NDUFA5: variants seen among roughly 807,000 people sequenced by gnomAD.
NDUFA5 encodes the protein NADH:ubiquinone oxidoreductase subunit A5.
A neutral mutation model predicts 19.8 loss-of-function variants in NDUFA5; 11 were observed. The ratio of observed to expected loss-of-function variants is 0.56; its 90% confidence interval spans 0.35 to 0.92. NDUFA5 has a LOEUF of 0.92. Among genes scored for constraint, NDUFA5 ranks in the 40% least tolerant of loss-of-function variants. The pLI is 0.01. For missense variants in NDUFA5, 109 were observed against 134.2 expected (o/e 0.81, Z 0.93); for synonymous variants, 47 against 46.8 (o/e 1.00, Z -0.01).
At chr7:123,593,532 C>A in the NDUFA5 span, among the ~76,000 whole-genome samples, 12 of 152,126 alleles carry the variant, frequency 7.9e-5, no homozygotes, top group Non-Finnish European at 1.8e-4. Context: ...ACTTACAAAG[C>A]TTAGTTTGGC....
chr7:123,538,126 C>T lies in NDUFA5; in HGVS notation c.*3993G>A, dbSNP rs887780673. The stretch of plus-strand genomic sequence containing the variant: ...TTTTTTATTCCTATGTGTAATTTAC[C>T]ATGTTCCAATTCCCCACCACCACTA... On this transcript the variant is annotated 3_prime_UTR_variant, in exon 5 of 5. Coordinates refer to ENST00000355749, the MANE Select transcript of NDUFA5 (RefSeq NM_005000.5). 2.6e-5 allele frequency: 4 copies of T among 151,972 alleles called. No homozygotes were observed. Among genetic ancestry groups the T allele is most frequent in the African/African-American group, 9.7e-5 (4 of 41,380 alleles). 9.4% of individuals were successfully genotyped at this position (151,972 alleles called of 1,614,324 possible).
the NDUFA5 span, among the ~76,000 whole-genome samples, chr7:123,597,956 G>C: frequency 6.6e-6 from 1 of 151,322 alleles, no homozygotes; most frequent in African/African-American, 2.4e-5. Flanking sequence ...GTGTGTGTGT[G>C]TGTGTCTTTG....
intron 3 of NDUFA5, among the ~76,000 whole-genome samples, chr7:123,546,022 A>G (rs750053636): frequency 1.3e-5 from 2 of 152,120 alleles, no homozygotes; most frequent in Non-Finnish European, 2.9e-5. Context: ...ATGCTACTCT[A>G]TGACCCAGAA....
At chr7:123,550,441 A>T (rs199509342) in intron 3 of NDUFA5, 29 bp downstream of exon 3, 3 of 444,930 alleles carry the variant, frequency 6.7e-6, no homozygotes, top group East Asian at 4.9e-5. Flanking sequence ...AATGTTACAC[A>T]AGACAACAAA....
At chr7:123,559,546 C>CA (rs1335264402), upstream of NDUFA5, among the ~76,000 whole-genome samples, 3 of 151,968 alleles carry the variant, frequency 2.0e-5, no homozygotes, top group African/African-American at 7.3e-5. Context: ...TCCAACCAGA[C>CA]AAAGAAATCA....
At chr7:123,547,057 T>TGA (rs1016493690) in intron 3 of NDUFA5, among the ~76,000 whole-genome samples, 1 of 152,128 alleles carries the variant, frequency 6.6e-6, no homozygotes, top group African/African-American at 2.4e-5. Flanking sequence ...ATTGCAGTGA[T>TGA]GAGACCACAA....
chr7:123,566,757 GA>G, the NDUFA5 span, among the ~76,000 whole-genome samples: 2 of 152,256 alleles, frequency 1.3e-5, no homozygotes, highest in East Asian at 3.9e-4. Context: ...GCTCCTCTGT[GA>G]AGGGACCTAT....
At chr7:123,546,576 T>A in intron 3 of NDUFA5, 1 of 910,742 alleles carries the variant, frequency 1.1e-6, no homozygotes, top group Non-Finnish European at 1.5e-6. Context: ...TCTGTAAATA[T>A]ACCCACATAT....
chr7:123,600,088 G>A, the NDUFA5 span, among the ~76,000 whole-genome samples: 1 of 152,082 alleles, frequency 6.6e-6, no homozygotes, highest in African/African-American at 2.4e-5. Flanking sequence ...ACTACTTGAG[G>A]AATAGGCCTC....
the NDUFA5 span, among the ~76,000 whole-genome samples, chr7:123,590,710 T>C: frequency 5.9e-5 from 9 of 152,208 alleles, no homozygotes; most frequent in Non-Finnish European, 1.3e-4. Flanking sequence ...AGCCTCATAG[T>C]ATAGTTCGAT....
upstream of NDUFA5, among the ~76,000 whole-genome samples, chr7:123,560,661 C>T (rs974380216): frequency 6.6e-6 from 1 of 152,150 alleles, no homozygotes; most frequent in African/African-American, 2.4e-5. Flanking sequence ...ACTGGTTACC[C>T]TCTCATGGTA....
At chr7:123,570,927 GC>G in the NDUFA5 span, among the ~76,000 whole-genome samples, 1 of 152,096 alleles carries the variant, frequency 6.6e-6, no homozygotes, top group Non-Finnish European at 1.5e-5. Context: ...CAGCTGTACG[GC>G]CTGGGTGAGT....
At chr7:123,565,672 C>T in the NDUFA5 span, among the ~76,000 whole-genome samples, 5 of 151,590 alleles carry the variant, frequency 3.3e-5, no homozygotes, top group South Asian at 8.4e-4. Context: ...CTTGAGGTCA[C>T]GAGTTCAAGA....
chr7:123,591,095 CTGTT>C, the NDUFA5 span, among the ~76,000 whole-genome samples: 129 of 152,220 alleles, frequency 8.5e-4, no homozygotes, highest in African/African-American at 2.8e-3. Flanking sequence ...ATTTGGCTCT[CTGTT>C]TGTCTGTTCT....
chr7:123,543,153 G>A (rs368140343), intron 4 of NDUFA5, among the ~76,000 whole-genome samples: 200 of 152,262 alleles, frequency 1.3e-3, no homozygotes, highest in African/African-American at 4.7e-3. Context: ...ATGGAAATCA[G>A]GGGTAGAGGT....
intron 2 of NDUFA5, chr7:123,551,586 T>C (rs1052973640): frequency 7.9e-5 from 58 of 734,556 alleles, no homozygotes; most frequent in Non-Finnish European, 8.8e-5. Context: ...TCTGTAGAAA[T>C]AAACACATAT....
chr7:123,584,072 C>G, the NDUFA5 span, among the ~76,000 whole-genome samples: 1 of 151,914 alleles, frequency 6.6e-6, no homozygotes, highest in African/African-American at 2.4e-5. Flanking sequence ...GTGAGCTCTT[C>G]TAGCCACACG....
the NDUFA5 span, among the ~76,000 whole-genome samples, chr7:123,581,808 T>G: frequency 3.9e-5 from 6 of 152,108 alleles, no homozygotes; most frequent in East Asian, 1.2e-3. Context: ...TTTCTCCCTT[T>G]TTGTCACTCC....
chr7:123,570,289 G>GC, the NDUFA5 span, among the ~76,000 whole-genome samples: 1 of 151,846 alleles, frequency 6.6e-6, no homozygotes, highest in Non-Finnish European at 1.5e-5. Flanking sequence ...ACCCACCTCG[G>GC]CCCCCCAAAG....
Sources: gnomAD v4.1 joint callset for allele counts (sites outside exome capture counted in the v4.1 genomes callset) on GRCh38, gnomAD v4.1.1 for gene constraint, MANE v1.5 for transcripts, NCBI Gene and HGNC (gene_info 2026-07-23, HGNC 2026-07-21) for gene names.